Variants in DLGAP2 observed in about 807,000 individuals in gnomAD.
DLGAP2 encodes disks large-associated protein 2.
A neutral mutation model predicts 100.3 loss-of-function variants in DLGAP2; 26 were observed. That is an observed-to-expected ratio of 0.26 (90% CI 0.19 to 0.36). The LOEUF is 0.36. Among genes scored for constraint, DLGAP2 ranks in the 10% least tolerant of loss-of-function variants. The pLI is 1.00. For missense variants in DLGAP2, 1,858 were observed against 1,453.2 expected (o/e 1.28, Z -4.53); for synonymous variants, 886 against 630.1 (o/e 1.41, Z -6.08).
intron 2 of DLGAP2, among the ~76,000 whole-genome samples, chr8:1,106,251 T>C (rs1804764561): frequency 6.6e-6 from 1 of 150,830 alleles, no homozygotes; most frequent in Non-Finnish European, 1.5e-5. Context: ...GAGGGTTTTC[T>C]ATTGAAGGAG....
At chr8:1,297,827 C>G (rs1800224915) in intron 3 of DLGAP2, among the ~76,000 whole-genome samples, 1 of 73,430 alleles carries the variant, frequency 1.4e-5, no homozygotes, top group African/African-American at 6.8e-5. Context: ...TGAACAGACA[C>G]CACGTGAGAC....
intron 1 of DLGAP2, among the ~76,000 whole-genome samples, chr8:893,874 G>A (rs527440002): frequency 6.6e-6 from 1 of 152,354 alleles, no homozygotes; most frequent in South Asian, 2.1e-4. Flanking sequence ...GTGACAATGC[G>A]GATGTGGTTG....
In DLGAP2 at chr8:1,673,332, A is replaced by G. The variant is rs1310622899; in HGVS notation, c.2203-3201A>G. On this transcript the variant is annotated intron_variant, in intron 10 of 14. Transcript: ENST00000637795. ...CTTGAGTTACCTTTCCATTGTATAA[A>G]ATAATTTATTTTCTTTGTCCCAGAC... is the stretch of plus-strand genomic sequence containing the variant. Among the ~76,000 whole-genome samples the G allele has an allele frequency of 3.3e-5, 5 of 152,222 alleles. No homozygotes were observed. The East Asian group carries it at 9.7e-4, about 29-fold the overall frequency.
chr8:824,631 C>A (rs934127255), intron 1 of DLGAP2, among the ~76,000 whole-genome samples: 3 of 151,942 alleles, frequency 2.0e-5, no homozygotes, highest in Non-Finnish European at 4.4e-5. Flanking sequence ...AAGATGACTG[C>A]TGACCTCCTG....
chr8:1,037,818 T>TGTCA (rs1223378889), intron 2 of DLGAP2, among the ~76,000 whole-genome samples: 1 of 152,172 alleles, frequency 6.6e-6, no homozygotes, highest in African/African-American at 2.4e-5. Context: ...CGTTAATATG[T>TGTCA]GTCAGAATCA....
intron 2 of DLGAP2, among the ~76,000 whole-genome samples, chr8:1,059,920 G>T (rs1466564701): frequency 6.6e-6 from 1 of 152,198 alleles, no homozygotes; most frequent in African/African-American, 2.4e-5. Context: ...GCATGGATCG[G>T]GGGTATTCAC....
intron 2 of DLGAP2, among the ~76,000 whole-genome samples, chr8:1,089,481 C>T (rs1240728339): frequency 6.6e-6 from 1 of 152,190 alleles, no homozygotes; most frequent in Non-Finnish European, 1.5e-5. Flanking sequence ...TCCGTCTGTC[C>T]CCCAGGGTCT....
At chr8:1,605,713 C>T (rs1362228756) in intron 6 of DLGAP2, among the ~76,000 whole-genome samples, 2 of 152,176 alleles carry the variant, frequency 1.3e-5, no homozygotes, top group Admixed American at 6.6e-5. Flanking sequence ...GCTAACTGTC[C>T]GAGCCCACAG....
At chr8:1,298,607 A>G (rs1800250889) in intron 3 of DLGAP2, among the ~76,000 whole-genome samples, 1 of 151,516 alleles carries the variant, frequency 6.6e-6, no homozygotes, top group South Asian at 2.1e-4. Context: ...GCCCGTCCAC[A>G]TGTCCTGCAG....
chr8:1,103,066 C>T (rs988450178), intron 2 of DLGAP2, among the ~76,000 whole-genome samples: 3 of 151,234 alleles, frequency 2.0e-5, no homozygotes, highest in African/African-American at 7.3e-5. Flanking sequence ...TGTGGTTTTC[C>T]GGGGTCTTCG....
intron 1 of DLGAP2, among the ~76,000 whole-genome samples, chr8:759,026 G>A (rs1281414860): frequency 9.2e-5 from 10 of 108,578 alleles, no homozygotes; most frequent in African/African-American, 2.7e-4. Context: ...CAATACCCCT[G>A]ACAGCCTTCC....
At chr8:1,027,553 G>A (rs865878525) in intron 2 of DLGAP2, among the ~76,000 whole-genome samples, 2 of 148,706 alleles carry the variant, frequency 1.3e-5, no homozygotes, top group African/African-American at 5.0e-5. Context: ...TATTCTCCAG[G>A]TGGGGTGCCA....
chr8:1,307,175 A>C (rs1342393349), intron 3 of DLGAP2, among the ~76,000 whole-genome samples: 1 of 81,450 alleles, frequency 1.2e-5, no homozygotes, highest in African/African-American at 8.9e-5. Context: ...TACACTATTT[A>C]AATAACTACA....
At chr8:1,635,782 G>T (rs1172560351) in intron 8 of DLGAP2, among the ~76,000 whole-genome samples, 1 of 152,188 alleles carries the variant, frequency 6.6e-6, no homozygotes, top group Non-Finnish European at 1.5e-5. Context: ...CATGAAAGAT[G>T]TATTGAGAAC....
chr8:784,599 G>T (rs753121382), intron 1 of DLGAP2, among the ~76,000 whole-genome samples: 9 of 152,196 alleles, frequency 5.9e-5, no homozygotes, highest in Non-Finnish European at 1.3e-4. Flanking sequence ...ATGTTTAAAA[G>T]GGTGATATAA....
At position 1,134,324 on chromosome 8, in the gene DLGAP2, T is replaced by C. The variant is rs116564101; in HGVS notation, c.74-124527T>C. On this transcript the variant is annotated intron_variant, in intron 2 of 14. Coordinates refer to ENST00000637795, the MANE Select transcript of DLGAP2 (RefSeq NM_001346810.2). ...TGCATGTGTCTTAGTGGTAGAACGA[T>C]GTATATTCCTTTGGGTTTATACCCA... is the stretch of plus-strand genomic sequence containing the variant. Among the ~76,000 whole-genome samples the C allele has an allele frequency of 2.2e-3, 334 of 152,344 alleles. 3 individuals are homozygous for C. The highest frequency in any genetic ancestry group is 7.8e-3 in the African/African-American group (323 of 41,578).
chr8:1,618,463 C>T (rs950064222), intron 6 of DLGAP2, among the ~76,000 whole-genome samples: 1 of 152,106 alleles, frequency 6.6e-6, no homozygotes, highest in African/African-American at 2.4e-5. Flanking sequence ...TGAAATCTCC[C>T]CAGACTGAGG....
chr8:1,505,297 G>C (rs1246313438), intron 4 of DLGAP2, among the ~76,000 whole-genome samples: 1 of 152,192 alleles, frequency 6.6e-6, no homozygotes, highest in Non-Finnish European at 1.5e-5. Flanking sequence ...TTTCCAAAAT[G>C]CTGTGGGACA....
chr8:1,153,366 C>T (rs1466048598), intron 2 of DLGAP2, among the ~76,000 whole-genome samples: 4 of 152,178 alleles, frequency 2.6e-5, no homozygotes, highest in Non-Finnish European at 4.4e-5. Flanking sequence ...TTTAGTCGGG[C>T]TTCTAAACAC....
Sources: gnomAD v4.1 joint callset for allele counts (sites outside exome capture counted in the v4.1 genomes callset) on GRCh38, gnomAD v4.1.1 for gene constraint, MANE v1.5 for transcripts, NCBI Gene and HGNC (gene_info 2026-07-23, HGNC 2026-07-21) for gene names.